DOCK5: variants seen among roughly 807,000 people sequenced by gnomAD.
The protein encoded by DOCK5 is dedicator of cytokinesis 5, also known as dedicator of cytokinesis protein 5.
DOCK5 carries 142 observed loss-of-function variants against 251.8 expected under a neutral mutation model. That is an observed-to-expected ratio of 0.56 (90% CI 0.49 to 0.65). DOCK5 has a LOEUF of 0.65. Ranked by LOEUF, DOCK5 falls within the 30% of genes least tolerant of loss-of-function variation. The pLI is 0.00. For missense variants in DOCK5, 2,111 were observed against 2,312.3 expected, an observed-to-expected ratio of 0.91 and a Z score of 1.79; for synonymous variants, 842 against 835.5, an observed-to-expected ratio of 1.01 and a Z score of -0.13.
chr8:25,331,799 T>TAGAGAG (rs1172468853), intron 18 of DOCK5, among the ~76,000 whole-genome samples: 6 of 49,010 alleles, frequency 1.2e-4, no homozygotes, highest in African/African-American at 3.1e-4. Flanking sequence ...TATATATATA[T>TAGAGAG]ATAGAGAGAG....
chr8:25,377,768 G>A (rs1219025031), intron 38 of DOCK5, among the ~76,000 whole-genome samples: 2 of 152,178 alleles, frequency 1.3e-5, no homozygotes, highest in African/African-American at 4.8e-5. Flanking sequence ...GGGACCCATA[G>A]GGAACAGTCT....
At chr8:25,404,200 G>A (rs192363801) in intron 48 of DOCK5, among the ~76,000 whole-genome samples, 2 of 152,188 alleles carry the variant, frequency 1.3e-5, no homozygotes, top group South Asian at 2.1e-4. Flanking sequence ...CAAGCATTGC[G>A]TAATTATGTG....
chr8:25,189,132 C>T (rs547871731), intron 1 of DOCK5, among the ~76,000 whole-genome samples: 1 of 150,716 alleles, frequency 6.6e-6, no homozygotes, highest in African/African-American at 2.4e-5. Context: ...TGCAACCTGC[C>T]ATCTCAGCCT....
chr8:25,364,141 AAG>A (rs1460052213), intron 29 of DOCK5, among the ~76,000 whole-genome samples: 5 of 152,230 alleles, frequency 3.3e-5, no homozygotes, highest in African/African-American at 9.6e-5. Context: ...ATTATATTAA[AAG>A]AGTGTTAGAG....
At position 25,369,602 on chromosome 8, in the gene DOCK5, G is replaced by T; in HGVS notation, c.3485G>T (p.Gly1162Val). ...ITKLDQEVEG[G>V]RGDEQYKVLL... is the part of the protein sequence containing the mutation. ...AAGCTGGACCAGGAGGTAGAAGGGG[G>T]CAGAGGAGACGAACAATACAAGGTT... Residue 1162 changes from glycine to valine, a missense_variant, in exon 34 of 52, where the codon GGC becomes GTC. Gly to Val is a moderately radical substitution (Grantham distance 109). Transcript: ENST00000276440. 3.7e-6 allele frequency: 6 copies of T among 1,611,866 alleles called. No homozygotes were observed. The highest frequency in any genetic ancestry group is 5.1e-6 in the Non-Finnish European group (6 of 1,179,022).
chr8:25,401,674 C>T (rs1264284422), intron 47 of DOCK5, among the ~76,000 whole-genome samples: 2 of 151,988 alleles, frequency 1.3e-5, no homozygotes, highest in Non-Finnish European at 2.9e-5. Context: ...GCGGAGGTTT[C>T]ATTGAGCCGA....
At chr8:25,300,793 C>A (rs2031420356) in intron 9 of DOCK5, 136 bp downstream of exon 9, 3 of 874,116 alleles carry the variant, frequency 3.4e-6, no homozygotes, top group Non-Finnish European at 5.1e-6. Context: ...ATAACCCACC[C>A]ATTTATTCAA....
intron 1 of DOCK5, among the ~76,000 whole-genome samples, chr8:25,195,145 T>C (rs1239646554): frequency 6.6e-6 from 1 of 151,916 alleles, no homozygotes; most frequent in African/African-American, 2.4e-5. Flanking sequence ...GATCTTGAAC[T>C]CTTGACCTCA....
At position 25,263,890 on chromosome 8, in the gene DOCK5, C is replaced by T. The variant is rs116792561; in HGVS notation, c.128-4955C>T. ...GGACGGCAGAAGGGGCAGGATCCATCTCCTGATTCTGTCCTGATTCCCATT... is the reference window on the plus strand; with the variant it reads ...GGACGGCAGAAGGGGCAGGATCCATTTCCTGATTCTGTCCTGATTCCCATT... On this transcript the variant is annotated intron_variant, in intron 2 of 51. Coordinates refer to ENST00000276440, the MANE Select transcript of DOCK5 (RefSeq NM_024940.8). Among the ~76,000 whole-genome samples the T allele has an allele frequency of 1.0e-3, 156 of 152,034 alleles. 4 individuals carry two copies. The highest frequency in any genetic ancestry group is 3.7e-3 in the African/African-American group (153 of 41,302).
chr8:25,306,586 C>T (rs1398149031), intron 11 of DOCK5, among the ~76,000 whole-genome samples: 5 of 151,340 alleles, frequency 3.3e-5, no homozygotes, highest in African/African-American at 4.8e-5. Flanking sequence ...CCCAGCTACT[C>T]GGGAGGCTGA....
Position 25,401,048 on chromosome 8 carries a change from C to T in DOCK5, c.4908C>T (p.His1636=), listed in dbSNP as rs753311054. 1 of 1,614,018 alleles carries T rather than the reference C, an allele frequency of 6.2e-7. No individual in the cohort carries two copies. Among genetic ancestry groups the T allele is most frequent in the East Asian group, 2.2e-5 (1 of 44,880 alleles). ...AACTCAAGGAGAAAGTAGAAAAGCA[C>T]TATGGGGTTATAACACTGGTAAGCA... ...FRELKEKVEK[H]YGVITLPPNL... Residue 1636 remains histidine, a synonymous_variant, in exon 47 of 52, where the codon CAC becomes CAT. Coordinates refer to ENST00000276440, the MANE Select transcript of DOCK5 (RefSeq NM_024940.8).
intron 41 of DOCK5, 117 bp from the exon 42 acceptor site, chr8:25,390,089 A>T: frequency 1.4e-6 from 1 of 727,642 alleles, no homozygotes. Context: ...CATTGGGGTC[A>T]AAGGGAGTGA....
intron 18 of DOCK5, among the ~76,000 whole-genome samples, chr8:25,332,024 A>T (rs1805694554): frequency 6.6e-6 from 1 of 152,178 alleles, no homozygotes; most frequent in Admixed American, 6.6e-5. Flanking sequence ...CAGATATTCT[A>T]AGTTCTTATG....
intron 9 of DOCK5, among the ~76,000 whole-genome samples, 173 bp downstream of exon 9, chr8:25,300,830 T>G (rs1804742810): frequency 6.6e-6 from 1 of 151,372 alleles, no homozygotes; most frequent in Admixed American, 6.6e-5. Context: ...AGGCACTGAT[T>G]TAGACACTTG....
chr8:25,406,762 G>C (rs2117344795), intron 48 of DOCK5, among the ~76,000 whole-genome samples: 1 of 151,634 alleles, frequency 6.6e-6, no homozygotes, highest in African/African-American at 2.4e-5. Context: ...TGAGTAGCTG[G>C]GACTACAGGC....
chr8:25,337,303 C>G (rs1805837508), intron 22 of DOCK5, among the ~76,000 whole-genome samples: 1 of 151,982 alleles, frequency 6.6e-6, no homozygotes, highest in Non-Finnish European at 1.5e-5. Flanking sequence ...CATCTTTGTC[C>G]TTGATGAGAT....
intron 1 of DOCK5, among the ~76,000 whole-genome samples, chr8:25,191,410 G>T (rs957071415): frequency 6.6e-6 from 1 of 152,166 alleles, no homozygotes; most frequent in Non-Finnish European, 1.5e-5. Flanking sequence ...TGAGAAAATA[G>T]TTCTGTTCCT....
chr8:25,308,058 A>G (rs750008893), intron 11 of DOCK5, among the ~76,000 whole-genome samples: 8 of 152,176 alleles, frequency 5.3e-5, no homozygotes, highest in African/African-American at 1.7e-4. Context: ...AAACTGGCCT[A>G]CATGCAGTGG....
chr8:25,385,527 G>C (rs1159204942), intron 40 of DOCK5, among the ~76,000 whole-genome samples: 1 of 152,068 alleles, frequency 6.6e-6, no homozygotes, highest in Non-Finnish European at 1.5e-5. Flanking sequence ...CCATTTACTG[G>C]GACAGGAGGA....
Sources: allele counts gnomAD v4.1 joint callset (sites outside exome capture counted in the v4.1 genomes callset), GRCh38; gene constraint gnomAD v4.1.1; transcripts MANE v1.5; gene names NCBI Gene and HGNC (gene_info 2026-07-23, HGNC 2026-07-21).